The following EPHA5 variants were observed in gnomAD, a reference collection of about 807,000 sequenced individuals.
EPHA5 encodes ephrin type-A receptor 5.
Under a neutral mutation model 105.0 loss-of-function variants are expected in EPHA5, and 60 were observed. That is an observed-to-expected ratio of 0.57 (90% CI 0.46 to 0.71). The LOEUF (loss-of-function observed/expected upper bound fraction) is 0.71. Among genes scored for constraint, EPHA5 ranks in the 30% least tolerant of loss-of-function variants. The pLI, the probability that EPHA5 is intolerant of heterozygous loss-of-function variation, is 0.00. For missense variants in EPHA5, 1,218 were observed against 1,274.7 expected, an observed-to-expected ratio of 0.96 and a Z score of 0.68; for synonymous variants, 513 against 449.1, an observed-to-expected ratio of 1.14 and a Z score of -1.80.
rs891214143 is a variant in EPHA5, at chr4:65,322,172, T to C, written c.*1942A>G. The C allele has an allele frequency of 8.9e-6, 2 of 224,436 alleles. No homozygotes were observed. The highest frequency in any genetic ancestry group is 1.8e-5 in the Non-Finnish European group (2 of 112,474). 13.9% of individuals were successfully genotyped at this position (224,436 alleles called of 1,614,324 possible). A position where few individuals can be genotyped will look rare whatever the true frequency, so the allele number is the denominator to read the frequency against. On this transcript the variant is annotated 3_prime_UTR_variant, in exon 17 of 17. Coordinates refer to ENST00000613740, the MANE Select transcript of EPHA5 (RefSeq NM_001281766.3). ...GACCCATGGTATATAGCCCTTATTATTATGAGAACTGAATGTATTATTTGA... is the reference window on the plus strand; with the variant it reads ...GACCCATGGTATATAGCCCTTATTACTATGAGAACTGAATGTATTATTTGA...
At chr4:65,662,701 G>A (rs1357623798) in intron 1 of EPHA5, among the ~76,000 whole-genome samples, 1 of 152,128 alleles carries the variant, frequency 6.6e-6, no homozygotes, top group African/African-American at 2.4e-5. Flanking sequence ...ATATGTGAGT[G>A]TGTGAGAGTG....
intron 5 of EPHA5, among the ~76,000 whole-genome samples, chr4:65,445,241 T>A (rs1359662750): frequency 6.6e-6 from 1 of 152,168 alleles, no homozygotes; most frequent in African/African-American, 2.4e-5. Flanking sequence ...ATATGCACAT[T>A]TTAAATTTAC....
chr4:65,571,334 A>C (rs1424447706), intron 3 of EPHA5, among the ~76,000 whole-genome samples: 3 of 149,638 alleles, frequency 2.0e-5, no homozygotes, highest in Admixed American at 6.7e-5. Flanking sequence ...AAAAAAAAAA[A>C]CAGATCAAAA....
At chr4:65,596,883 G>A (rs925193204) in intron 3 of EPHA5, among the ~76,000 whole-genome samples, 5 of 152,126 alleles carry the variant, frequency 3.3e-5, no homozygotes, top group African/African-American at 9.6e-5. Flanking sequence ...AAATAACTAG[G>A]CTCTCTAATC....
At chr4:65,538,261 A>G (rs1244158473) in intron 3 of EPHA5, among the ~76,000 whole-genome samples, 4 of 151,874 alleles carry the variant, frequency 2.6e-5, no homozygotes, top group Admixed American at 6.6e-5. Context: ...TCACTTGTTA[A>G]TATTTAAATA....
intron 7 of EPHA5, among the ~76,000 whole-genome samples, chr4:65,411,833 G>T (rs1332210882): frequency 2.0e-5 from 3 of 152,172 alleles, no homozygotes; most frequent in African/African-American, 7.2e-5. Context: ...CCTTGAGAAA[G>T]AAGGGATTAT....
At chr4:65,389,574 T>C (rs1204462738) in intron 8 of EPHA5, among the ~76,000 whole-genome samples, 13 of 152,074 alleles carry the variant, frequency 8.5e-5, no homozygotes. Flanking sequence ...AAATTCAACA[T>C]GGATAATAGA....
intron 3 of EPHA5, among the ~76,000 whole-genome samples, chr4:65,500,285 A>C (rs181367751): frequency 2.0e-4 from 31 of 151,460 alleles, no homozygotes; most frequent in Non-Finnish European, 3.4e-4. Context: ...GAAGACAAAA[A>C]ATGCACCCAT....
chr4:65,370,571 G>T lies in EPHA5; in HGVS notation c.1794-3147C>A, dbSNP rs181140431. 3.3e-3 allele frequency among the ~76,000 whole-genome samples: 498 copies of T among 152,012 alleles called. 3 individuals are homozygous for T. The highest frequency in any genetic ancestry group is 5.8e-3 in the Non-Finnish European group (397 of 67,976). On this transcript the variant is annotated intron_variant, in intron 8 of 16. Coordinates refer to ENST00000613740, the MANE Select transcript of EPHA5 (RefSeq NM_001281766.3). ...CCACCTTCAAAAAAATAAATAATAC[G>T]CTTTCAAAATTGTATCCTCAAATAG...
intron 2 of EPHA5, among the ~76,000 whole-genome samples, chr4:65,628,269 A>G (rs76531620): frequency 1.3e-5 from 2 of 152,078 alleles, no homozygotes. Flanking sequence ...TTGACTGCTT[A>G]TATGATACTG....
chr4:65,600,527 CTAG>C (rs1485757303), intron 3 of EPHA5, among the ~76,000 whole-genome samples: 1 of 152,052 alleles, frequency 6.6e-6, no homozygotes, highest in African/African-American at 2.4e-5. Context: ...GGTAATTTCC[CTAG>C]TTTTGTTTCC....
At chr4:65,529,542 G>T (rs1381964098) in intron 3 of EPHA5, among the ~76,000 whole-genome samples, 1 of 152,032 alleles carries the variant, frequency 6.6e-6, no homozygotes, top group Non-Finnish European at 1.5e-5. Flanking sequence ...GACCAAGAGG[G>T]AGAGACAGAA....
chr4:65,555,446 T>C (rs1296917944), intron 3 of EPHA5, among the ~76,000 whole-genome samples: 3 of 151,890 alleles, frequency 2.0e-5, no homozygotes, highest in African/African-American at 7.3e-5. Flanking sequence ...ACCTAATAGG[T>C]ACTAAGCTTA....
intron 4 of EPHA5, 69 bp from the exon 5 acceptor site, chr4:65,490,781 C>T: frequency 6.9e-7 from 1 of 1,454,704 alleles, no homozygotes; most frequent in East Asian, 2.3e-5. Flanking sequence ...TTTATCACAC[C>T]AATTCCTGGT....
intron 3 of EPHA5, among the ~76,000 whole-genome samples, chr4:65,532,100 T>A (rs944665479): frequency 1.3e-5 from 2 of 152,148 alleles, no homozygotes; most frequent in African/African-American, 2.4e-5. Context: ...ATTATCCTTA[T>A]CTTAATATTT....
At chr4:65,396,609 T>G (rs1294366991) in intron 8 of EPHA5, among the ~76,000 whole-genome samples, 1 of 152,180 alleles carries the variant, frequency 6.6e-6, no homozygotes, top group African/African-American at 2.4e-5. Context: ...CACTTTCATG[T>G]GTGTATACTG....
At chr4:65,633,604 G>C (rs985041961) in intron 2 of EPHA5, among the ~76,000 whole-genome samples, 1 of 151,692 alleles carries the variant, frequency 6.6e-6, no homozygotes, top group Admixed American at 6.6e-5. Flanking sequence ...GGTTTTGCAT[G>C]GACTATATCA....
intron 5 of EPHA5, among the ~76,000 whole-genome samples, chr4:65,450,021 C>A (rs569302776): frequency 6.6e-6 from 1 of 152,038 alleles, no homozygotes; most frequent in African/African-American, 2.4e-5. Context: ...TCAACTCTAA[C>A]AAATGAATAC....
At chr4:65,575,891 T>A (rs1310783361) in intron 3 of EPHA5, among the ~76,000 whole-genome samples, 1 of 150,558 alleles carries the variant, frequency 6.6e-6, no homozygotes, top group Non-Finnish European at 1.5e-5. Context: ...GCAGGAGAAT[T>A]GCTTGAACCT....
Sources: allele counts gnomAD v4.1 joint callset (sites outside exome capture counted in the v4.1 genomes callset), GRCh38; gene constraint gnomAD v4.1.1; transcripts MANE v1.5; gene names NCBI Gene and HGNC (gene_info 2026-07-23, HGNC 2026-07-21).